MAN1A2: variants seen among roughly 807,000 people sequenced by gnomAD.
The protein encoded by MAN1A2 is mannosyl-oligosaccharide 1,2-alpha-mannosidase IB.
A neutral mutation model predicts 75.7 loss-of-function variants in MAN1A2; 26 were observed. The observed-to-expected ratio is 0.34, with a 90% CI of 0.25 to 0.48. MAN1A2 has a LOEUF of 0.48. Ranked by LOEUF, MAN1A2 falls within the 20% of genes least tolerant of loss-of-function variation. MAN1A2 has a pLI of 0.99. For synonymous variants in MAN1A2, 247 were observed against 264.6 expected (o/e 0.93, Z 0.65); for missense variants, 562 against 775.5 (o/e 0.72, Z 3.27).
intron 12 of MAN1A2, among the ~76,000 whole-genome samples, chr1:117,514,045 A>T (rs1378136438): frequency 1.3e-5 from 2 of 152,092 alleles, no homozygotes; most frequent in Non-Finnish European, 2.9e-5. Context: ...TTCACTGTAA[A>T]ATTCTTCCAA....
rs192801685 is a variant in MAN1A2, at chr1:117,498,110, G to A, written c.1504+1128G>A. On this transcript the variant is annotated intron_variant, in intron 10 of 12. Coordinates refer to ENST00000356554, the MANE Select transcript of MAN1A2 (RefSeq NM_006699.5). ...TATAAGTCAAGAGGACGGTGAAGTAGTGTTATTTTAGGGTAGTTTAAGTGT... is the reference window on the plus strand; with the variant it reads ...TATAAGTCAAGAGGACGGTGAAGTAATGTTATTTTAGGGTAGTTTAAGTGT... Among the ~76,000 whole-genome samples the A allele has an allele frequency of 1.9e-3, 293 of 151,946 alleles. 1 individual carries two copies. Among genetic ancestry groups the A allele is most frequent in the African/African-American group, 6.8e-3 (281 of 41,522 alleles).
At chr1:117,387,935 A>G (rs1653590178) in intron 1 of MAN1A2, among the ~76,000 whole-genome samples, 1 of 151,384 alleles carries the variant, frequency 6.6e-6, no homozygotes, top group South Asian at 2.1e-4. Flanking sequence ...TACTTAATCT[A>G]ATCCTGAGTA....
At chr1:117,511,369 T>G (rs1448367834) in intron 12 of MAN1A2, among the ~76,000 whole-genome samples, 2 of 151,946 alleles carry the variant, frequency 1.3e-5, no homozygotes, top group Non-Finnish European at 2.9e-5. Context: ...GAGATGCGGG[T>G]CTTGCTAATT....
At chr1:117,503,003 C>T in intron 12 of MAN1A2, 33 bp downstream of exon 12, 1 of 1,182,602 alleles carries the variant, frequency 8.5e-7, no homozygotes, top group Non-Finnish European at 1.2e-6. Flanking sequence ...TATTTTTATA[C>T]TAGACTGGTT....
intron 6 of MAN1A2, among the ~76,000 whole-genome samples, chr1:117,451,203 A>G (rs984122115): frequency 2.0e-5 from 3 of 152,230 alleles, no homozygotes; most frequent in African/African-American, 7.2e-5. Context: ...AAAGGAGATC[A>G]TTTTGGAGAT....
chr1:117,375,939 T>C (rs376871881), intron 1 of MAN1A2, among the ~76,000 whole-genome samples: 1 of 143,306 alleles, frequency 7.0e-6, no homozygotes, highest in African/African-American at 2.6e-5. Flanking sequence ...TGAGACGGAG[T>C]CTTGCTCTGT....
intron 10 of MAN1A2, 73 bp downstream of exon 10, chr1:117,497,055 A>C: frequency 8.0e-7 from 1 of 1,253,508 alleles, no homozygotes; most frequent in Admixed American, 2.3e-5. Context: ...AGCAATAAGA[A>C]GGAGAATATA....
Position 117,433,596 on chromosome 1 carries a change from G to A in MAN1A2, c.856-8635G>A, listed in dbSNP as rs189063599. Among the ~76,000 whole-genome samples the A allele has an allele frequency of 7.2e-4, 109 of 152,154 alleles. 1 individual carries two copies. The highest frequency in any genetic ancestry group is 2.6e-3 in the African/African-American group (108 of 41,526). On this transcript the variant is annotated intron_variant, in intron 5 of 12. Coordinates refer to ENST00000356554, the MANE Select transcript of MAN1A2 (RefSeq NM_006699.5). Reference sequence around the variant, plus strand: ...TCATATTCACTTATATAGTTTTTTTGCTAGATTCCTTTTGATTTCTGAGAT... The same window carrying A: ...TCATATTCACTTATATAGTTTTTTTACTAGATTCCTTTTGATTTCTGAGAT...
intron 6 of MAN1A2, among the ~76,000 whole-genome samples, chr1:117,447,195 A>G (rs1037263255): frequency 6.6e-6 from 1 of 152,126 alleles, no homozygotes; most frequent in Non-Finnish European, 1.5e-5. Flanking sequence ...ATCATAATAC[A>G]AATTTTGTTA....
intron 6 of MAN1A2, among the ~76,000 whole-genome samples, chr1:117,456,978 C>T (rs1649600799): frequency 6.6e-6 from 1 of 152,042 alleles, no homozygotes; most frequent in Non-Finnish European, 1.5e-5. Context: ...TCATTCTTTG[C>T]TTTTGTCGGA....
rs977830236 is a variant in MAN1A2, at chr1:117,405,692, T to G, written c.655+47T>G. 3.8e-6 allele frequency: 4 copies of G among 1,042,938 alleles called. No individual in the cohort carries two copies. The African/African-American group carries it at 6.3e-5, about 16-fold the overall frequency. 64.6% of individuals were successfully genotyped at this position (1,042,938 alleles called of 1,614,324 possible). On this transcript the variant is annotated intron_variant, in intron 3 of 12. Transcript: ENST00000356554. ...ACTATTTCCATTTTCTACCTCCATC[T>G]TTTAAAACAAGATGTAACTTTTCAA...
At chr1:117,510,080 A>C (rs1020142967) in intron 12 of MAN1A2, among the ~76,000 whole-genome samples, 2 of 151,892 alleles carry the variant, frequency 1.3e-5, no homozygotes, top group Admixed American at 1.3e-4. Flanking sequence ...GGAATGTTTT[A>C]TAATTTGTTT....
chr1:117,432,471 T>A (rs1227782291), intron 5 of MAN1A2, among the ~76,000 whole-genome samples: 1 of 152,178 alleles, frequency 6.6e-6, no homozygotes, highest in Non-Finnish European at 1.5e-5. Flanking sequence ...TCCACATACA[T>A]TAAAGGCATA....
chr1:117,433,066 AATCAT>A (rs1648726630), intron 5 of MAN1A2, among the ~76,000 whole-genome samples: 1 of 151,706 alleles, frequency 6.6e-6, no homozygotes, highest in South Asian at 2.1e-4. Context: ...AAAGGAGAAA[AATCAT>A]ATAATTATTG....
At chr1:117,405,409 A>G in intron 2 of MAN1A2, 140 bp from the exon 3 acceptor site, 1 of 635,764 alleles carries the variant, frequency 1.6e-6, no homozygotes, top group Non-Finnish European at 2.8e-6. Context: ...TCATACTGAT[A>G]CAAATGCTAA....
At chr1:117,380,275 AT>A (rs1443373943) in intron 1 of MAN1A2, among the ~76,000 whole-genome samples, 1 of 152,162 alleles carries the variant, frequency 6.6e-6, no homozygotes, top group Non-Finnish European at 1.5e-5. Context: ...CTTGCAGACC[AT>A]TTGCATTTTT....
At chr1:117,488,456 A>G (rs1650782315) in intron 8 of MAN1A2, among the ~76,000 whole-genome samples, 1 of 152,084 alleles carries the variant, frequency 6.6e-6, no homozygotes, top group Non-Finnish European at 1.5e-5. Context: ...TCGGCCTCCC[A>G]AAGTGCTGGG....
intron 12 of MAN1A2, among the ~76,000 whole-genome samples, chr1:117,505,144 C>A (rs933859574): frequency 4.0e-5 from 6 of 151,418 alleles, no homozygotes; most frequent in South Asian, 2.1e-4. Flanking sequence ...TCTTCTCTTG[C>A]ATTTGTCTAT....
intron 5 of MAN1A2, among the ~76,000 whole-genome samples, chr1:117,435,006 T>C (rs1269291082): frequency 6.6e-6 from 1 of 152,044 alleles, no homozygotes; most frequent in African/African-American, 2.4e-5. Context: ...AGATTGATGG[T>C]ACGATAGTTA....
Sources: allele counts gnomAD v4.1 joint callset (sites outside exome capture counted in the v4.1 genomes callset), GRCh38; gene constraint gnomAD v4.1.1; transcripts MANE v1.5; gene names NCBI Gene and HGNC (gene_info 2026-07-23, HGNC 2026-07-21).